NELL1: variants seen among roughly 807,000 people sequenced by gnomAD.
NELL1 encodes protein kinase C-binding protein NELL1.
A neutral mutation model predicts 107.4 loss-of-function variants in NELL1; 76 were observed. The observed-to-expected ratio is 0.71, with a 90% CI of 0.59 to 0.86. The LOEUF is 0.86. Among genes scored for constraint, NELL1 ranks in the 40% least tolerant of loss-of-function variants. The pLI is 0.00. For missense variants in NELL1, 1,024 were observed against 1,005.5 expected, an observed-to-expected ratio of 1.02 and a Z score of -0.25; for synonymous variants, 353 against 341.2, an observed-to-expected ratio of 1.03 and a Z score of -0.38.
At chr11:20,693,174 G>A (rs1442945570) in intron 2 of NELL1, among the ~76,000 whole-genome samples, 1 of 151,626 alleles carries the variant, frequency 6.6e-6, no homozygotes, top group Non-Finnish European at 1.5e-5. Context: ...TTGAGCCTAT[G>A]TGTGTCTCTG....
intron 12 of NELL1, among the ~76,000 whole-genome samples, chr11:21,024,188 T>A (rs1046969279): frequency 6.6e-6 from 1 of 152,174 alleles, no homozygotes; most frequent in Non-Finnish European, 1.5e-5. Context: ...AGGAATGCAC[T>A]GGTTTCGTTC....
chr11:20,890,941 A>G (rs747597906), intron 5 of NELL1, among the ~76,000 whole-genome samples: 28 of 152,156 alleles, frequency 1.8e-4, no homozygotes, highest in Non-Finnish European at 3.2e-4. Context: ...ACACTTCAGG[A>G]TATTATCCAG....
rs894455796 is a variant in NELL1, at chr11:21,000,182, C to G, written c.1300+39622C>G. On this transcript the variant is annotated intron_variant, in intron 12 of 19. Transcript: ENST00000357134. ...CTATTGTTTGACCTTGAATAAGAAT[C>G]TTAATCGCACCAGCACGGCACATGT... Among the ~76,000 whole-genome samples, 6 of 152,104 alleles carry G rather than the reference C, an allele frequency of 3.9e-5. No homozygotes were observed. The South Asian group carries it at 6.2e-4, about 16-fold the overall frequency.
chr11:20,675,354 G>A (rs2133847298), intron 1 of NELL1, among the ~76,000 whole-genome samples: 1 of 152,284 alleles, frequency 6.6e-6, no homozygotes, highest in Non-Finnish European at 1.5e-5. Context: ...TGTCCTTTTG[G>A]AAAGTTTCCT....
chr11:20,817,287 G>T (rs963878655), intron 3 of NELL1, among the ~76,000 whole-genome samples: 41 of 151,890 alleles, frequency 2.7e-4, no homozygotes, highest in African/African-American at 9.9e-4. Flanking sequence ...TTTTTGCTTG[G>T]TAATTTTTTT....
intron 16 of NELL1, among the ~76,000 whole-genome samples, chr11:21,535,977 T>C (rs1856125857): frequency 6.6e-6 from 1 of 152,172 alleles, no homozygotes. Flanking sequence ...CATATGACAT[T>C]AAGCATGGTG....
chr11:21,411,972 T>G (rs2133811297), intron 15 of NELL1, among the ~76,000 whole-genome samples: 1 of 152,206 alleles, frequency 6.6e-6, no homozygotes, highest in East Asian at 1.9e-4. Flanking sequence ...GCTTTGTCAA[T>G]AATACATGGT....
rs1857864467 is a variant in NELL1 at position 20,825,616 on chromosome 11, T to C, written c.336-21967T>C. ...CTTTGTTTTTGCTAATTTCTCCCTT[T>C]GGAATGGGTGTATTAAGCCAATACC... On this transcript the variant is annotated intron_variant, in intron 3 of 19. Transcript: ENST00000357134. Among the ~76,000 whole-genome samples the C allele has an allele frequency of 1.3e-5, 2 of 151,376 alleles. 1 individual carries two copies. Among genetic ancestry groups the C allele is most frequent in the Non-Finnish European group, 3.0e-5 (2 of 67,606 alleles).
chr11:20,879,533 G>C (rs932630521), intron 4 of NELL1, among the ~76,000 whole-genome samples: 4 of 152,088 alleles, frequency 2.6e-5, no homozygotes, highest in Admixed American at 6.6e-5. Flanking sequence ...AAAGTGTTAA[G>C]AGTAGTGTGC....
rs150850291 is a variant in NELL1, at chr11:21,319,361, T to G, written c.1550-51492T>G. On this transcript the variant is annotated intron_variant, in intron 14 of 19. Transcript: ENST00000357134. ...CGGCTAATTTTTATTTTATTATTTT[T>G]TATTTTTCAGTACAGACAGGTTTTC... 1.1e-3 allele frequency among the ~76,000 whole-genome samples: 173 copies of G among 151,314 alleles called. 5 individuals are homozygous for G. The East Asian group carries it at 0.03, about 26-fold the overall frequency.
At chr11:20,945,375 A>G (rs1850940884) in intron 10 of NELL1, among the ~76,000 whole-genome samples, 1 of 152,262 alleles carries the variant, frequency 6.6e-6, no homozygotes, top group African/African-American at 2.4e-5. Context: ...GCTTTGGGTC[A>G]TACGCATGGG....
chr11:21,327,027 C>T (rs1213617861), intron 14 of NELL1, among the ~76,000 whole-genome samples: 4 of 151,900 alleles, frequency 2.6e-5, no homozygotes, highest in Admixed American at 6.6e-5. Context: ...GCTGTGTCCC[C>T]ATCCAAATCT....
intron 3 of NELL1, among the ~76,000 whole-genome samples, chr11:20,807,277 CA>C (rs2134009062): frequency 6.6e-6 from 1 of 152,314 alleles, no homozygotes; most frequent in African/African-American, 2.4e-5. Context: ...GCACCCTAAA[CA>C]CAGTAATGCT....
rs76371108 is a variant in NELL1 at position 21,503,327 on chromosome 11, T to C, written c.1646-31047T>C. ...CTGTTAAAAGAGTAAATTGAATCTA[T>C]ACATATCAACCAGTCCAGTTGTAAG... On this transcript the variant is annotated intron_variant, in intron 15 of 19. Coordinates refer to ENST00000357134, the MANE Select transcript of NELL1 (RefSeq NM_006157.5). Among the ~76,000 whole-genome samples, 2,553 of 152,310 alleles carry C rather than the reference T, an allele frequency of 0.017. 199 individuals carry two copies. In the East Asian group the frequency reaches 0.26, roughly 16 times the overall value.
At chr11:21,059,998 T>A (rs1354746577) in intron 12 of NELL1, among the ~76,000 whole-genome samples, 2 of 152,206 alleles carry the variant, frequency 1.3e-5, no homozygotes, top group Admixed American at 1.3e-4. Context: ...AGAGCCCATC[T>A]GCCTGGACCC....
intron 13 of NELL1, among the ~76,000 whole-genome samples, chr11:21,121,373 G>A (rs567540126): frequency 3.9e-5 from 6 of 152,254 alleles, no homozygotes; most frequent in Admixed American, 2.0e-4. Context: ...TGTATAAGAC[G>A]CTGGATAGAC....
rs1021965208 is a variant in NELL1, at chr11:20,873,793, G to T, written c.507-11651G>T. ...TTTTTTTTTTTTTTTTTGAGACAGG[G>T]TCTCACTCTGTTGCCCAGGCAGTCC... On this transcript the variant is annotated intron_variant, in intron 4 of 19. Transcript: ENST00000357134. Among the ~76,000 whole-genome samples, 5 of 149,360 alleles carry T rather than the reference G, an allele frequency of 3.3e-5. No individual in the cohort carries two copies. In the East Asian group the frequency reaches 6.0e-4, roughly 18 times the overall value.
intron 4 of NELL1, among the ~76,000 whole-genome samples, chr11:20,865,366 G>T (rs1590361539): frequency 6.6e-6 from 1 of 152,162 alleles, no homozygotes; most frequent in Non-Finnish European, 1.5e-5. Context: ...TTCAAAAGAG[G>T]GTGTGCTCAG....
intron 5 of NELL1, among the ~76,000 whole-genome samples, chr11:20,896,383 A>G (rs1482401897): frequency 6.6e-6 from 1 of 152,136 alleles, no homozygotes. Context: ...TCATTGGTTG[A>G]TGGACATTTA....
Sources: gnomAD v4.1 joint callset for allele counts (sites outside exome capture counted in the v4.1 genomes callset) on GRCh38, gnomAD v4.1.1 for gene constraint, MANE v1.5 for transcripts, NCBI Gene and HGNC (gene_info 2026-07-23, HGNC 2026-07-21) for gene names.